Variants in SRSF11 observed in about 807,000 individuals in gnomAD.
The protein encoded by SRSF11 is serine/arginine-rich splicing factor 11.
SRSF11 carries 9 observed loss-of-function variants against 56.0 expected under a neutral mutation model. The observed-to-expected ratio is 0.16, with a 90% CI of 0.10 to 0.28. SRSF11 has a LOEUF of 0.28. SRSF11 is among the 10% of genes least tolerant of loss of function. The probability of loss-of-function intolerance (pLI) is 1.00; values close to 1 mark genes in which losing one functional copy is unlikely to be tolerated. For missense variants in SRSF11, 421 were observed against 600.7 expected (o/e 0.70, Z 3.13); for synonymous variants, 222 against 215.3 (o/e 1.03, Z -0.27).
rs1672507095 is a variant in SRSF11 at position 70,229,774 on chromosome 1, C to G, written c.337+1219C>G. ...GTCTAGTCCTTAACAGAGAAGTTGC[C>G]TCTGGTTTTCTAAAGAAATTAACTT... is the stretch of plus-strand genomic sequence containing the variant. On this transcript the variant is annotated intron_variant, in intron 2 of 11. Transcript: ENST00000370949. The G allele has an allele frequency of 5.1e-6, 5 of 984,020 alleles. No individual in the cohort carries two copies. The South Asian group carries it at 2.4e-4, about 46-fold the overall frequency. The allele number at this position is 984,020 out of a possible 1,614,324, so 61.0% of individuals were successfully genotyped here.
chr1:70,216,779 C>T (rs1243381857), upstream of SRSF11, among the ~76,000 whole-genome samples: 1 of 152,096 alleles, frequency 6.6e-6, no homozygotes, highest in Non-Finnish European at 1.5e-5. Context: ...TTATATATAA[C>T]TAGAAGCTTT....
intron 10 of SRSF11, 54 bp downstream of exon 10, chr1:70,250,101 T>C (rs370294731): frequency 1.8e-4 from 265 of 1,498,724 alleles, no homozygotes; most frequent in Non-Finnish European, 2.2e-4. Flanking sequence ...AGGTTTTTCA[T>C]TTTAAAACTG....
At chr1:70,215,020 T>C (rs1354101090) in intron 1 of SRSF11, among the ~76,000 whole-genome samples, 1 of 150,558 alleles carries the variant, frequency 6.6e-6, no homozygotes, top group Non-Finnish European at 1.5e-5. Flanking sequence ...TGCCTCAGCC[T>C]CCGAATAGCT....
intron 1 of SRSF11, among the ~76,000 whole-genome samples, chr1:70,208,325 G>GGTGTGTGTGT (rs112343589): frequency 5.3e-4 from 79 of 148,744 alleles, no homozygotes; most frequent in Admixed American, 4.7e-4. Flanking sequence ...TACAGTGTAT[G>GGTGTGTGTGT]GTGTGTGTGT....
chr1:70,226,412 A>G (rs934201354), intron 1 of SRSF11, among the ~76,000 whole-genome samples: 1 of 152,314 alleles, frequency 6.6e-6, no homozygotes, highest in East Asian at 1.9e-4. Context: ...TTCCTATGCC[A>G]TTAATGAGTA....
Position 70,250,719 on chromosome 1 carries a change from G to T in SRSF11, c.1369G>T (p.Val457Leu). ...TGSPKTKECS[V>L]EKGTGDSLRE... ...TTCCCCTAAAACAAAGGAATGTTCT[G>T]TGGAAAAGGGAACTGGTGATTCACT... Residue 457 changes from valine (V) to leucine (L), a missense_variant, in exon 12 of 12, where the codon GTG becomes TTG. Val to Leu is a conservative substitution (Grantham distance 32). Transcript: ENST00000370949. 6.2e-7 allele frequency: 1 copy of T among 1,614,054 alleles called. No homozygotes were observed.
intron 1 of SRSF11, among the ~76,000 whole-genome samples, chr1:70,224,407 C>T (rs1671323485): frequency 6.6e-6 from 1 of 152,184 alleles, no homozygotes; most frequent in Admixed American, 6.5e-5. Context: ...AGCACCTCTG[C>T]TGCTGCTTTA....
intron 2 of SRSF11, chr1:70,231,279 AATTGT>A: frequency 8.5e-7 from 1 of 1,178,468 alleles, no homozygotes; most frequent in Admixed American, 3.8e-5. Context: ...TATGTAGTTT[AATTGT>A]ATTATTGAAC....
chr1:70,237,375 T>C (rs1674360346), intron 5 of SRSF11, 50 bp from the exon 6 acceptor site: 1 of 1,598,774 alleles, frequency 6.3e-7, no homozygotes, highest in Non-Finnish European at 8.5e-7. Flanking sequence ...TTTGAAATGC[T>C]CGTGTGCATT....
intron 8 of SRSF11, among the ~76,000 whole-genome samples, chr1:70,245,018 G>A (rs1436339328): frequency 1.3e-5 from 2 of 152,200 alleles, no homozygotes; most frequent in African/African-American, 4.8e-5. Flanking sequence ...TTACAGCTGA[G>A]GGCCTAAGTA....
At chr1:70,234,267 G>T (rs1361189321) in intron 3 of SRSF11, among the ~76,000 whole-genome samples, 1 of 152,180 alleles carries the variant, frequency 6.6e-6, no homozygotes, top group Admixed American at 6.5e-5. Flanking sequence ...GAAATGCTTT[G>T]TAAAGGTCCT....
At chr1:70,207,822 C>T (rs1669192197) in intron 1 of SRSF11, among the ~76,000 whole-genome samples, 1 of 151,616 alleles carries the variant, frequency 6.6e-6, no homozygotes. Context: ...AAATCCTGGG[C>T]TCAAACAGTC....
At chr1:70,222,166 C>CCCT (rs1670794774) in intron 1 of SRSF11, among the ~76,000 whole-genome samples, 1 of 151,548 alleles carries the variant, frequency 6.6e-6, no homozygotes, top group African/African-American at 2.4e-5. Flanking sequence ...TAGGTTAAAT[C>CCCT]CCTTTTTTAA....
chr1:70,209,798 C>T (rs1190850469), intron 1 of SRSF11, among the ~76,000 whole-genome samples: 31 of 87,242 alleles, frequency 3.6e-4, no homozygotes, highest in African/African-American at 1.4e-3. Context: ...GAAGTTTTGC[C>T]ATATTGCCCA....
chr1:70,221,205 AAAAG>A (rs1229948572), upstream of SRSF11, among the ~76,000 whole-genome samples: 2 of 152,118 alleles, frequency 1.3e-5, no homozygotes, highest in African/African-American at 4.8e-5. Context: ...TTCCAAAAAA[AAAAG>A]AGAGAAGAAA....
intron 7 of SRSF11, among the ~76,000 whole-genome samples, chr1:70,241,583 G>A (rs771794055): frequency 7.2e-5 from 11 of 152,104 alleles, no homozygotes; most frequent in Admixed American, 3.3e-4. Flanking sequence ...ATTCCGTCTG[G>A]TTTATCTTTT....
chr1:70,229,434 A>T (rs1170765986), intron 2 of SRSF11: 2 of 985,310 alleles, frequency 2.0e-6, no homozygotes, highest in Non-Finnish European at 2.4e-6. Context: ...CTAAAAAGCC[A>T]CTGTGACAAG....
chr1:70,220,925 G>T (rs1224318644), upstream of SRSF11: 1 of 152,084 alleles, frequency 6.6e-6, no homozygotes, highest in Non-Finnish European at 1.5e-5. Context: ...TATCTTTTCT[G>T]AAAGTTTTAG....
In SRSF11 at chr1:70,234,713, G is replaced by C. The variant is rs769481614; in HGVS notation, c.465G>C (p.Leu155=). Residue 155 remains leucine (L), a synonymous_variant, in exon 4 of 12, where the codon CTG becomes CTC. Transcript: ENST00000370949. The part of the protein sequence containing the change: ...NPLTQIGAVP[L]AALGAPTLDP... ...TTTCACAGATTGGCGCTGTTCCACT[G>C]GCTGCTTTGGGGGCTCCTACTCTTG... 3.7e-6 allele frequency: 6 copies of C among 1,605,628 alleles called. No individual in the cohort carries two copies. The highest frequency in any genetic ancestry group is 5.1e-6 in the Non-Finnish European group (6 of 1,176,864).
Sources: allele counts gnomAD v4.1 joint callset (sites outside exome capture counted in the v4.1 genomes callset), GRCh38; gene constraint gnomAD v4.1.1; transcripts MANE v1.5; gene names NCBI Gene and HGNC (gene_info 2026-07-23, HGNC 2026-07-21).